PTPRO: variants seen among roughly 807,000 people sequenced by gnomAD.
PTPRO encodes protein tyrosine phosphatase receptor type O, also known as receptor-type tyrosine-protein phosphatase O.
Under a neutral mutation model 145.2 loss-of-function variants are expected in PTPRO, and 62 were observed. The observed-to-expected ratio is 0.43, with a 90% CI of 0.35 to 0.53. The LOEUF (loss-of-function observed/expected upper bound fraction) is 0.53. Ranked by LOEUF, PTPRO falls within the 20% of genes least tolerant of loss-of-function variation. PTPRO has a pLI of 0.01. For synonymous variants in PTPRO, 565 were observed against 514.7 expected (o/e 1.10, Z -1.32); for missense variants, 1,345 against 1,482.7 (o/e 0.91, Z 1.53).
chr12:15,322,808 G>T lies in PTPRO; in HGVS notation c.75+7G>T, dbSNP rs1261143608. 8 of 1,611,086 alleles carry T rather than the reference G, an allele frequency of 5.0e-6. No individual in the cohort carries two copies. The African/African-American group carries it at 1.1e-4, about 22-fold the overall frequency. ...GCTCTTTGTGCTGTTCAAGGTAGGGGAGCTCCTCCACCCCTTTTTCCCAGC... is the reference window on the plus strand; with the variant it reads ...GCTCTTTGTGCTGTTCAAGGTAGGGTAGCTCCTCCACCCCTTTTTCCCAGC... On this transcript the variant is annotated splice_region_variant and intron_variant, in intron 1 of 26. Transcript: ENST00000281171. This position sits in a 1 kb window ranked among gnomAD's most constrained non-coding sequence, Gnocchi z 6.3.
intron 1 of PTPRO, among the ~76,000 whole-genome samples, chr12:15,414,871 C>T (rs975086486): frequency 2.0e-5 from 3 of 152,106 alleles, no homozygotes; most frequent in Admixed American, 6.6e-5. Flanking sequence ...AGAAAAGTAC[C>T]ATTCCCAAAT....
intron 1 of PTPRO, among the ~76,000 whole-genome samples, chr12:15,442,798 C>T (rs1281663945): frequency 6.6e-6 from 1 of 151,808 alleles, no homozygotes; most frequent in Non-Finnish European, 1.5e-5. Context: ...AGAAGAACTA[C>T]AAAACACTGC....
At chr12:15,488,296 G>A (rs1229965606) in intron 2 of PTPRO, among the ~76,000 whole-genome samples, 1 of 152,038 alleles carries the variant, frequency 6.6e-6, no homozygotes, top group Non-Finnish European at 1.5e-5. Flanking sequence ...CAAATTTGAG[G>A]GGCAATAATA....
At chr12:15,458,887 G>C (rs1308962599) in intron 1 of PTPRO, among the ~76,000 whole-genome samples, 1 of 151,982 alleles carries the variant, frequency 6.6e-6, no homozygotes, top group Admixed American at 6.6e-5. Flanking sequence ...TTACCTGGTT[G>C]TTTTTCCCTT....
intron 16 of PTPRO, 53 bp from the exon 17 acceptor site, chr12:15,560,140 C>G: frequency 7.5e-7 from 1 of 1,327,696 alleles, no homozygotes; most frequent in Non-Finnish European, 1.1e-6. Flanking sequence ...GTTTATATTA[C>G]TAACTCTTGC....
chr12:15,479,847 A>G (rs184430544), intron 1 of PTPRO, among the ~76,000 whole-genome samples: 3 of 152,262 alleles, frequency 2.0e-5, no homozygotes, highest in Admixed American at 6.5e-5. Flanking sequence ...TCCTCTTCAG[A>G]TGAGTATGAG....
At chr12:15,459,622 G>GAA (rs1481949592) in intron 1 of PTPRO, among the ~76,000 whole-genome samples, 2 of 152,188 alleles carry the variant, frequency 1.3e-5, no homozygotes, top group Non-Finnish European at 2.9e-5. Context: ...GAGTTGACCT[G>GAA]TGTATTGGTT....
intron 19 of PTPRO, among the ~76,000 whole-genome samples, chr12:15,570,476 G>A (rs916094051): frequency 1.3e-5 from 2 of 152,082 alleles, no homozygotes; most frequent in Non-Finnish European, 2.9e-5. Flanking sequence ...AGACACTAAT[G>A]GGGAATTTGA....
rs199611681 is a variant in PTPRO, at chr12:15,343,781, A to G, written c.75+20980A>G. On this transcript the variant is annotated intron_variant, in intron 1 of 26. Coordinates refer to ENST00000281171, the MANE Select transcript of PTPRO (RefSeq NM_030667.3). Reference sequence around the variant, plus strand: ...AGTGGCGCCATCTCCGCTTACTGGAAGCTCCGCCTCCCGGGTTCGCGCCAT... The same window carrying G: ...AGTGGCGCCATCTCCGCTTACTGGAGGCTCCGCCTCCCGGGTTCGCGCCAT... 7.2e-5 allele frequency among the ~76,000 whole-genome samples: 11 copies of G among 152,262 alleles called. No individual in the cohort carries two copies. In the East Asian group the frequency reaches 2.1e-3, roughly 29 times the overall value.
chr12:15,456,299 C>T (rs997828383), intron 1 of PTPRO, among the ~76,000 whole-genome samples: 1 of 152,082 alleles, frequency 6.6e-6, no homozygotes, highest in Admixed American at 6.6e-5. Flanking sequence ...TTGAATCATC[C>T]TTGCATCCCA....
intron 18 of PTPRO, among the ~76,000 whole-genome samples, chr12:15,566,188 A>G (rs759257041): frequency 3.9e-5 from 6 of 152,234 alleles, no homozygotes; most frequent in South Asian, 2.1e-4. Flanking sequence ...GTTGATTTCA[A>G]AAGCCTATTA....
At position 15,587,367 on chromosome 12, in the gene PTPRO, A is replaced by G. The variant is rs974059665; in HGVS notation, c.3410+316A>G. On this transcript the variant is annotated intron_variant, in intron 24 of 26. Coordinates refer to ENST00000281171, the MANE Select transcript of PTPRO (RefSeq NM_030667.3). ...TTAGTATTCAAATCCAGGCATGCCAATCTGCAAAGATCATGCCCTTAATAT... is the reference window on the plus strand; with the variant it reads ...TTAGTATTCAAATCCAGGCATGCCAGTCTGCAAAGATCATGCCCTTAATAT... Among the ~76,000 whole-genome samples the G allele has an allele frequency of 5.3e-5, 8 of 152,212 alleles. No homozygotes were observed. In the South Asian group the frequency reaches 6.2e-4, roughly 12 times the overall value.
At chr12:15,374,231 G>A (rs1026626351) in intron 1 of PTPRO, among the ~76,000 whole-genome samples, 2 of 152,074 alleles carry the variant, frequency 1.3e-5, no homozygotes, top group Non-Finnish European at 2.9e-5. Flanking sequence ...AAGGAAAGAA[G>A]GAAGGTAAAA....
At chr12:15,536,836 T>C (rs1448619581) in intron 12 of PTPRO, among the ~76,000 whole-genome samples, 1 of 152,230 alleles carries the variant, frequency 6.6e-6, no homozygotes, top group Non-Finnish European at 1.5e-5. Flanking sequence ...TGGACATTTT[T>C]GATAAATTAC....
intron 8 of PTPRO, among the ~76,000 whole-genome samples, chr12:15,515,889 C>T (rs1188170178): frequency 6.6e-6 from 1 of 151,284 alleles, no homozygotes; most frequent in East Asian, 1.9e-4. Flanking sequence ...CCGTGGCACA[C>T]ACCTACAGTT....
intron 1 of PTPRO, among the ~76,000 whole-genome samples, chr12:15,460,593 T>G (rs1424611137): frequency 6.6e-6 from 1 of 152,192 alleles, no homozygotes; most frequent in African/African-American, 2.4e-5. Context: ...CAATTTGCCC[T>G]GTAGCTCTAC....
chr12:15,535,515 A>G (rs1397605427), intron 12 of PTPRO, among the ~76,000 whole-genome samples: 1 of 152,230 alleles, frequency 6.6e-6, no homozygotes, highest in East Asian at 1.9e-4. Flanking sequence ...GGCACGTTCG[A>G]GATAAGGAAT....
At chr12:15,469,768 CAAAAAAA>C (rs3085503) in intron 1 of PTPRO, among the ~76,000 whole-genome samples, 2 of 110,406 alleles carry the variant, frequency 1.8e-5, no homozygotes, top group Admixed American at 9.5e-5. Context: ...AGTGTCCTGA[CAAAAAAA>C]AAAAAAAAAA....
intron 9 of PTPRO, among the ~76,000 whole-genome samples, chr12:15,519,008 A>G (rs1942655920): frequency 6.6e-6 from 1 of 152,050 alleles, no homozygotes; most frequent in Non-Finnish European, 1.5e-5. Flanking sequence ...CTCGGTACCA[A>G]TTTACTGTAT....
Sources: allele counts gnomAD v4.1 joint callset (sites outside exome capture counted in the v4.1 genomes callset), GRCh38; gene constraint gnomAD v4.1.1; non-coding constraint Gnocchi (gnomAD v3.1); transcripts MANE v1.5; gene names NCBI Gene and HGNC (gene_info 2026-07-23, HGNC 2026-07-21).